Variants in PEF1 observed in about 807,000 individuals in gnomAD.
PEF1 encodes penta-EF-hand domain containing 1, also known as peflin.
A neutral mutation model predicts 32.0 loss-of-function variants in PEF1; 17 were observed. That is an observed-to-expected ratio of 0.53 (90% CI 0.36 to 0.80). PEF1 has a LOEUF of 0.80. Ranked by LOEUF, PEF1 falls within the 30% of genes least tolerant of loss-of-function variation. The pLI, the probability that PEF1 is intolerant of heterozygous loss-of-function variation, is 0.00. For missense variants in PEF1, 362 were observed against 369.1 expected (o/e 0.98, Z 0.16); for synonymous variants, 130 against 139.8 (o/e 0.93, Z 0.50).
intron 1 of PEF1, among the ~76,000 whole-genome samples, chr1:31,638,271 GGGGAGGGA>G (rs558561729): frequency 6.6e-6 from 1 of 152,252 alleles, no homozygotes; most frequent in Admixed American, 6.5e-5. Context: ...TTTACAGATG[GGGGAGGGA>G]GGGAGGGACT....
chr1:31,640,643 C>T (rs1019574634), intron 1 of PEF1, among the ~76,000 whole-genome samples: 1 of 152,148 alleles, frequency 6.6e-6, no homozygotes, highest in African/African-American at 2.4e-5. Flanking sequence ...AAAGACTCTT[C>T]AGTTCAACCT....
chr1:31,632,231 G>A lies in PEF1; in HGVS notation c.625+264C>T, dbSNP rs1300412424. 44 of 639,840 alleles carry A rather than the reference G, an allele frequency of 6.9e-5. No homozygotes were observed. The South Asian group carries it at 7.3e-4, about 11-fold the overall frequency. The allele number at this position is 639,840 out of a possible 1,614,324, so 39.6% of individuals were successfully genotyped here. Reference sequence around the variant, plus strand: ...AAGGTGCCAAGTTTCCATCCTTAAGGCTCCCTGTGGCTGGGGCCGTCTCAC... The same window carrying A: ...AAGGTGCCAAGTTTCCATCCTTAAGACTCCCTGTGGCTGGGGCCGTCTCAC... On this transcript the variant is annotated intron_variant, in intron 4 of 4. Coordinates refer to ENST00000373703, the MANE Select transcript of PEF1 (RefSeq NM_012392.4).
At chr1:31,644,292 T>A in intron 1 of PEF1, 1 of 876,044 alleles carries the variant, frequency 1.1e-6, no homozygotes, top group African/African-American at 1.8e-5. Flanking sequence ...GCCTGGTGAC[T>A]TCAGGTAAGT....
At chr1:31,634,299 C>T (rs895713397) in intron 2 of PEF1, among the ~76,000 whole-genome samples, 1 of 152,208 alleles carries the variant, frequency 6.6e-6, no homozygotes, top group African/African-American at 2.4e-5. Context: ...TAGAAGGGCT[C>T]AGGCTTTGGA....
At chr1:31,643,184 G>T (rs1640447747) in intron 1 of PEF1, among the ~76,000 whole-genome samples, 1 of 152,218 alleles carries the variant, frequency 6.6e-6, no homozygotes, top group East Asian at 1.9e-4. Context: ...CATCTGAAAA[G>T]AAAGCCGGGA....
intron 1 of PEF1, among the ~76,000 whole-genome samples, chr1:31,639,206 T>G (rs1454405775): frequency 2.6e-5 from 4 of 152,158 alleles, no homozygotes; most frequent in Non-Finnish European, 4.4e-5. Flanking sequence ...GTGAGCATAG[T>G]GCATTCAGGG....
rs145619537 is a variant in PEF1 at position 31,633,694 on chromosome 1, G to A, written c.326-380C>T. On this transcript the variant is annotated intron_variant, in intron 2 of 4. Transcript: ENST00000373703. ...GAAGTGGCCAGGCACAGTGGCTCAC[G>A]ACTGTAATCCCAGCACTTTGGGAAG... Among the ~76,000 whole-genome samples the A allele has an allele frequency of 3.2e-3, 484 of 152,310 alleles. 1 individual carries two copies. Among genetic ancestry groups the A allele is most frequent in the African/African-American group, 0.011 (453 of 41,568 alleles).
intron 1 of PEF1, among the ~76,000 whole-genome samples, chr1:31,640,430 G>A (rs1253876401): frequency 6.6e-6 from 1 of 152,180 alleles, no homozygotes; most frequent in Non-Finnish European, 1.5e-5. Flanking sequence ...CCTAGCATGT[G>A]TCTGTGTGAG....
At chr1:31,632,707 C>T in intron 3 of PEF1, 69 bp from the exon 4 acceptor site, 2 of 1,542,026 alleles carry the variant, frequency 1.3e-6, no homozygotes, top group Non-Finnish European at 1.8e-6. Context: ...CCCTCAGGAC[C>T]CATTGAGGCA....
At chr1:31,643,500 G>A (rs905299654) in intron 1 of PEF1, among the ~76,000 whole-genome samples, 1 of 152,186 alleles carries the variant, frequency 6.6e-6, no homozygotes, top group Non-Finnish European at 1.5e-5. Context: ...CTCTAAGGAT[G>A]CAATAAGAGA....
At position 31,644,850 on chromosome 1, in the gene PEF1, A is replaced by G; in HGVS notation, c.15T>C (p.Pro5=). The change falls in exon 1 of 5, where the codon CCT becomes CCC. Residue 5 remains proline (P), a synonymous_variant. Coordinates refer to ENST00000373703, the MANE Select transcript of PEF1 (RefSeq NM_012392.4). Reference sequence around the variant, plus strand: ...CCCCTCACACACTCACCTGCCGGTAAGGATAGCTGGCCATGGTGATTCTGA... The same window carrying G: ...CCCCTCACACACTCACCTGCCGGTAGGGATAGCTGGCCATGGTGATTCTGA... The part of the protein sequence containing the change: MASY[P]YRQGCPGAAG... 1 of 1,613,976 alleles carries G rather than the reference A, an allele frequency of 6.2e-7. No individual in the cohort carries two copies. Among genetic ancestry groups the G allele is most frequent in the Non-Finnish European group, 8.5e-7 (1 of 1,179,922 alleles).
intron 1 of PEF1, among the ~76,000 whole-genome samples, chr1:31,642,840 A>G (rs1260508934): frequency 6.6e-6 from 1 of 152,170 alleles, no homozygotes; most frequent in Non-Finnish European, 1.5e-5. Context: ...TTTCACAGGT[A>G]TTATTTCTCC....
chr1:31,637,511 G>C (rs1352338960), intron 1 of PEF1, among the ~76,000 whole-genome samples: 1 of 152,058 alleles, frequency 6.6e-6, no homozygotes, highest in African/African-American at 2.4e-5. Flanking sequence ...GCCGGGCATG[G>C]TGGTACACAT....
At chr1:31,632,330 G>T in intron 4 of PEF1, 165 bp downstream of exon 4, 1 of 1,221,586 alleles carries the variant, frequency 8.2e-7, no homozygotes, top group Non-Finnish European at 1.2e-6. Flanking sequence ...CAGTGCCCCA[G>T]CTGGGTCAAA....
intron 2 of PEF1, among the ~76,000 whole-genome samples, chr1:31,634,161 C>A (rs1640194224): frequency 6.6e-6 from 1 of 152,334 alleles, no homozygotes; most frequent in South Asian, 2.1e-4. Context: ...AGGGATTAGT[C>A]TGACTTCCTT....
At chr1:31,632,125 T>C (rs1640121793) in intron 4 of PEF1, among the ~76,000 whole-genome samples, 1 of 152,214 alleles carries the variant, frequency 6.6e-6, no homozygotes, top group Non-Finnish European at 1.5e-5. Flanking sequence ...TGAGCCCTGT[T>C]CAGGGCTCTT....
Position 31,630,148 on chromosome 1 carries a change from T to C in PEF1, c.*465A>G, listed in dbSNP as rs191398674. The stretch of plus-strand genomic sequence containing the variant: ...ATGGGTGTGGCAGAATCCAAGCCAC[T>C]GGTCCCATAGACAGATCTCTCTCAT... On this transcript the variant is annotated 3_prime_UTR_variant, in exon 5 of 5. Coordinates refer to ENST00000373703, the MANE Select transcript of PEF1 (RefSeq NM_012392.4). The C allele has an allele frequency of 3.6e-4, 71 of 195,492 alleles. No individual in the cohort carries two copies. Among genetic ancestry groups the C allele is most frequent in the African/African-American group, 1.6e-3 (68 of 43,824 alleles). The allele number at this position is 195,492 out of a possible 1,614,324, so 12.1% of individuals were successfully genotyped here.
chr1:31,630,346 G>A lies in PEF1; in HGVS notation c.*267C>T, dbSNP rs775845633. The A allele has an allele frequency of 2.1e-6, 1 of 486,160 alleles. No homozygotes were observed. Among genetic ancestry groups the A allele is most frequent in the Non-Finnish European group, 3.8e-6 (1 of 265,236 alleles). 30.1% of individuals were successfully genotyped at this position (486,160 alleles called of 1,614,324 possible). A position where few individuals can be genotyped will look rare whatever the true frequency, so the allele number is the denominator to read the frequency against. ...AAGGACCTGCTCCTGGTGCCAGGCT[G>A]TGCCACTCAACTGCTCATGGCCATC... On this transcript the variant is annotated 3_prime_UTR_variant, in exon 5 of 5. Coordinates refer to ENST00000373703, the MANE Select transcript of PEF1 (RefSeq NM_012392.4).
rs535888711 is a variant in PEF1, at chr1:31,632,619, C to T, written c.501G>A (p.Lys167=). The T allele has an allele frequency of 9.7e-5, 156 of 1,614,106 alleles. No individual in the cohort carries two copies. Among genetic ancestry groups the T allele is most frequent in the Non-Finnish European group, 9.1e-5 (107 of 1,179,994 alleles). Residue 167 remains lysine, a synonymous_variant, in exon 4 of 5, where the codon AAG becomes AAA. Coordinates refer to ENST00000373703, the MANE Select transcript of PEF1 (RefSeq NM_012392.4). The stretch of plus-strand genomic sequence containing the variant: ...AGCCGTAGACATCGATGCGGCCTGA[C>T]TTGGTCTTGTCAAACATGTCTGAAG... The part of the protein sequence containing the change: ...LMMINMFDKT[K]SGRIDVYGFS...
Sources: gnomAD v4.1 joint callset for allele counts (sites outside exome capture counted in the v4.1 genomes callset) on GRCh38, gnomAD v4.1.1 for gene constraint, MANE v1.5 for transcripts, NCBI Gene and HGNC (gene_info 2026-07-23, HGNC 2026-07-21) for gene names.